PDE11A: variants seen among roughly 807,000 people sequenced by gnomAD.
PDE11A encodes phosphodiesterase 11A, also known as dual 3',5'-cyclic-AMP and -GMP phosphodiesterase 11A.
Under a neutral mutation model 100.5 loss-of-function variants are expected in PDE11A, and 100 were observed. The observed-to-expected ratio is 1.00, with a 90% CI of 0.85 to 1.18. The LOEUF (loss-of-function observed/expected upper bound fraction) is 1.18. PDE11A is among the 50% of genes most tolerant of loss of function. The pLI, the probability that PDE11A is intolerant of heterozygous loss-of-function variation, is 0.00. For missense variants in PDE11A, 1,141 were observed against 1,152.6 expected (o/e 0.99, Z 0.15); for synonymous variants, 381 against 420.8 (o/e 0.91, Z 1.16).
intron 1 of PDE11A, among the ~76,000 whole-genome samples, chr2:178,017,526 A>C (rs187437773): frequency 1.1e-4 from 17 of 152,370 alleles, no homozygotes; most frequent in Admixed American, 9.8e-4. Flanking sequence ...AATATGTAGC[A>C]AAAGTATAAA....
intron 15 of PDE11A, among the ~76,000 whole-genome samples, chr2:177,693,862 C>A (rs554475788): frequency 2.0e-5 from 3 of 152,216 alleles, no homozygotes; most frequent in Non-Finnish European, 4.4e-5. Flanking sequence ...TGCATCATTT[C>A]TAAGATCCTT....
chr2:177,646,679 C>T (rs1295180310), intron 19 of PDE11A, among the ~76,000 whole-genome samples: 2 of 152,158 alleles, frequency 1.3e-5, no homozygotes, highest in Non-Finnish European at 2.9e-5. Flanking sequence ...AATGGTGCAA[C>T]TTTTTTTGTT....
chr2:177,755,673 C>T (rs746894639), intron 10 of PDE11A, among the ~76,000 whole-genome samples: 37 of 152,302 alleles, frequency 2.4e-4, no homozygotes, highest in Middle Eastern at 6.8e-3. Flanking sequence ...GTGGGCCAAG[C>T]GGACCAATCA....
chr2:177,752,783 T>C (rs1419311799), intron 10 of PDE11A, among the ~76,000 whole-genome samples: 1 of 152,218 alleles, frequency 6.6e-6, no homozygotes, highest in Admixed American at 6.5e-5. Flanking sequence ...CTAAGGCAAA[T>C]CTGACTGTAT....
intron 10 of PDE11A, among the ~76,000 whole-genome samples, chr2:177,752,135 C>T (rs1574106727): frequency 6.6e-6 from 1 of 152,320 alleles, no homozygotes; most frequent in East Asian, 1.9e-4. Flanking sequence ...GGTTTTTCAT[C>T]CGGCCTGCAT....
chr2:178,038,926 C>T (rs1325583917), intron 1 of PDE11A: 2 of 152,158 alleles, frequency 1.3e-5, no homozygotes, highest in Non-Finnish European at 2.9e-5. Context: ...AGCACATATA[C>T]TAAAATTGGC....
At chr2:178,062,249 G>T (rs1289259169) in intron 1 of PDE11A, among the ~76,000 whole-genome samples, 3 of 151,940 alleles carry the variant, frequency 2.0e-5, no homozygotes, top group Non-Finnish European at 4.4e-5. Flanking sequence ...GGAGGGCTAT[G>T]GCTAGGGCTG....
At chr2:178,050,025 A>G (rs2086802110) in intron 1 of PDE11A, among the ~76,000 whole-genome samples, 1 of 152,144 alleles carries the variant, frequency 6.6e-6, no homozygotes, top group Non-Finnish European at 1.5e-5. Flanking sequence ...ACGGAGTTTG[A>G]GATCTGGGAA....
At chr2:177,875,220 C>A (rs1013260563) in intron 5 of PDE11A, among the ~76,000 whole-genome samples, 4 of 151,100 alleles carry the variant, frequency 2.6e-5, no homozygotes, top group Non-Finnish European at 4.4e-5. Flanking sequence ...CGAGACTCCA[C>A]GTTAAAAAAC....
At chr2:177,914,730 C>T (rs988681194) in intron 2 of PDE11A, among the ~76,000 whole-genome samples, 76 of 152,246 alleles carry the variant, frequency 5.0e-4, no homozygotes, top group African/African-American at 1.7e-3. Flanking sequence ...AATGAACATA[C>T]GAACATAAAA....
At chr2:177,914,167 T>C (rs879550648) in intron 2 of PDE11A, among the ~76,000 whole-genome samples, 2 of 152,230 alleles carry the variant, frequency 1.3e-5, no homozygotes, top group Non-Finnish European at 1.5e-5. Context: ...TTTTAAAATA[T>C]GGCCTCTTTT....
chr2:178,064,175 T>G (rs1168239005), intron 1 of PDE11A, among the ~76,000 whole-genome samples: 1 of 152,230 alleles, frequency 6.6e-6, no homozygotes, highest in Non-Finnish European at 1.5e-5. Flanking sequence ...AATTCCTGAC[T>G]GTAAGTCTAG....
At chr2:177,707,740 C>G (rs16865700) in intron 13 of PDE11A, among the ~76,000 whole-genome samples, 14,908 of 152,086 alleles carry the variant, frequency 0.098, 2,405 homozygotes, top group African/African-American at 0.33. Context: ...ATCGGTCCAG[C>G]TTTGATTAGG....
chr2:177,701,771 C>T (rs1435285149), intron 13 of PDE11A, among the ~76,000 whole-genome samples: 1 of 152,164 alleles, frequency 6.6e-6, no homozygotes, highest in Admixed American at 6.5e-5. Flanking sequence ...TTTATCTACT[C>T]TACATGAAAG....
intron 4 of PDE11A, among the ~76,000 whole-genome samples, chr2:177,889,820 A>G (rs1177892714): frequency 1.3e-5 from 2 of 151,458 alleles, no homozygotes; most frequent in African/African-American, 2.4e-5. Flanking sequence ...ATTTTTCCTG[A>G]GAGATCTTAT....
At chr2:177,821,729 C>T (rs952365271) in intron 6 of PDE11A, among the ~76,000 whole-genome samples, 2 of 151,776 alleles carry the variant, frequency 1.3e-5, no homozygotes, top group African/African-American at 4.8e-5. Flanking sequence ...ACTAGGGTGA[C>T]CATAAATCCT....
At chr2:177,899,999 A>G (rs534127068) in intron 3 of PDE11A, among the ~76,000 whole-genome samples, 5 of 152,088 alleles carry the variant, frequency 3.3e-5, no homozygotes, top group Non-Finnish European at 7.4e-5. Flanking sequence ...ATTAAATTGT[A>G]GTAACCCGTG....
intron 1 of PDE11A, chr2:178,018,339 C>A (rs1243477303): frequency 2.9e-5 from 6 of 204,884 alleles, no homozygotes. Context: ...TCTATGCAGA[C>A]GCATCACGGA....
intron 10 of PDE11A, among the ~76,000 whole-genome samples, chr2:177,738,893 G>C (rs996091354): frequency 6.6e-6 from 1 of 152,178 alleles, no homozygotes; most frequent in African/African-American, 2.4e-5. Flanking sequence ...GATGGACCAG[G>C]GTTCGTAAAC....
Sources: gnomAD v4.1 joint callset for allele counts (sites outside exome capture counted in the v4.1 genomes callset) on GRCh38, gnomAD v4.1.1 for gene constraint, MANE v1.5 for transcripts, NCBI Gene and HGNC (gene_info 2026-07-23, HGNC 2026-07-21) for gene names.